Variants in RAP1GAP2 observed in about 807,000 individuals in gnomAD.
RAP1GAP2 encodes the protein RAP1 GTPase activating protein 2, also known as rap1 GTPase-activating protein 2.
In RAP1GAP2, 27 loss-of-function variants were observed where a neutral mutation model predicts 95.0. The ratio of observed to expected loss-of-function variants is 0.28; its 90% CI spans 0.21 to 0.39. The LOEUF (loss-of-function observed/expected upper bound fraction) is 0.39. Ranked by LOEUF, RAP1GAP2 falls within the 10% of genes least tolerant of loss-of-function variation. The pLI, the probability that RAP1GAP2 is intolerant of heterozygous loss-of-function variation, is 1.00. For synonymous variants in RAP1GAP2, 373 were observed against 380.9 expected (o/e 0.98, Z 0.24); for missense variants, 771 against 970.0 (o/e 0.79, Z 2.72).
At chr17:2,911,224 C>T (rs895854632) in intron 3 of RAP1GAP2, among the ~76,000 whole-genome samples, 1 of 149,742 alleles carries the variant, frequency 6.7e-6, no homozygotes, top group Admixed American at 6.6e-5. Flanking sequence ...CCTATACGCA[C>T]CCTCCCCCAC....
chr17:2,897,090 G>A lies in RAP1GAP2; in HGVS notation c.81-8194G>A, dbSNP rs538959014. The stretch of plus-strand genomic sequence containing the variant: ...GCTGGCTCACGCCTATAATCCCAGC[G>A]CTTTGGGAGGCTGAGGCGGGTAGAT... On this transcript the variant is annotated intron_variant, in intron 2 of 24. Coordinates refer to ENST00000254695, the MANE Select transcript of RAP1GAP2 (RefSeq NM_015085.5). Among the ~76,000 whole-genome samples, 61 of 152,282 alleles carry A rather than the reference G, an allele frequency of 4.0e-4. 1 individual carries two copies. In the South Asian group the frequency reaches 5.4e-3, roughly 13 times the overall value.
intron 2 of RAP1GAP2, among the ~76,000 whole-genome samples, chr17:2,901,213 C>G (rs1174600257): frequency 1.3e-5 from 2 of 152,220 alleles, no homozygotes; most frequent in Non-Finnish European, 2.9e-5. Context: ...AATCCCAGAG[C>G]AGGGAACCTC....
chr17:2,983,289 A>G (rs1260971465), intron 10 of RAP1GAP2, among the ~76,000 whole-genome samples: 1 of 152,054 alleles, frequency 6.6e-6, no homozygotes, highest in African/African-American at 2.4e-5. Context: ...AAGTTGTGCA[A>G]AGTGACCAGA....
At chr17:2,822,622 TTTTTG>T (rs1258504537) in intron 2 of RAP1GAP2, among the ~76,000 whole-genome samples, 4 of 131,010 alleles carry the variant, frequency 3.1e-5, no homozygotes, top group Non-Finnish European at 6.2e-5. Context: ...ACCCTGTTTT[TTTTTG>T]TTTTTTTTTT....
rs1240296985 is a variant in RAP1GAP2 at position 2,963,581 on chromosome 17, CCT to C, written c.279+124_279+125del. On this transcript the variant is annotated intron_variant, in intron 6 of 24. Transcript: ENST00000254695. The surrounding 1 kb of genome is among the most constrained non-coding windows in gnomAD (Gnocchi z 4.8). ...AGGGGAGAGAACCTTGGGCCTGGGA[CCT>C]CTCTTCCTGTCTTTGCCTTTGTAAC... 32 of 1,327,754 alleles carry C rather than the reference CCT, an allele frequency of 2.4e-5. No homozygotes were observed. Among genetic ancestry groups the C allele is most frequent in the Non-Finnish European group, 3.3e-5 (31 of 931,438 alleles). The allele number at this position is 1,327,754 out of a possible 1,614,324, so 82.2% of individuals were successfully genotyped here.
chr17:2,844,319 C>T (rs8065623), intron 2 of RAP1GAP2, among the ~76,000 whole-genome samples: 3,620 of 152,258 alleles, frequency 0.024, 146 homozygotes, highest in African/African-American at 0.082. Context: ...TGCGCCCGGC[C>T]GGCCAGCGCG....
rs1241616506 is a variant in RAP1GAP2, at chr17:3,005,773, C to T, written c.1273-182C>T. Among the ~76,000 whole-genome samples the T allele has an allele frequency of 6.6e-6, 1 of 152,132 alleles. No individual in the cohort carries two copies. The highest frequency in any genetic ancestry group is 2.4e-5 in the African/African-American group (1 of 41,426). On this transcript the variant is annotated intron_variant, in intron 15 of 24. Transcript: ENST00000254695. This position sits in a 1 kb window ranked among gnomAD's most constrained non-coding sequence, Gnocchi z 5.2. ...CTGTGGCTTCCCAGGACCAGGGAAGCGGGTTTCCTTGTTGGGATATTTGCA... is the reference window on the plus strand; with the variant it reads ...CTGTGGCTTCCCAGGACCAGGGAAGTGGGTTTCCTTGTTGGGATATTTGCA...
intron 1 of RAP1GAP2, among the ~76,000 whole-genome samples, chr17:2,764,712 C>G (rs2068244051): frequency 6.6e-6 from 1 of 152,116 alleles, no homozygotes; most frequent in African/African-American, 2.4e-5. Flanking sequence ...CAGAACGAGA[C>G]TCCGTCTCAA....
chr17:2,969,430 G>C (rs1409214363), intron 8 of RAP1GAP2, among the ~76,000 whole-genome samples: 1 of 119,938 alleles, frequency 8.3e-6, no homozygotes, highest in Non-Finnish European at 1.8e-5. Context: ...CCAACCATTT[G>C]AAACACACAC....
rs2047276661 is a variant in RAP1GAP2 at position 3,031,102 on chromosome 17, C to T, written c.2184+104C>T. 1.4e-5 allele frequency: 18 copies of T among 1,270,156 alleles called. No homozygotes were observed. The South Asian group carries it at 2.2e-4, about 15-fold the overall frequency. 78.7% of individuals were successfully genotyped at this position (1,270,156 alleles called of 1,614,324 possible). A position where few individuals can be genotyped will look rare whatever the true frequency, so the allele number is the denominator to read the frequency against. ...GTTCAGACATCCCAGAGGGGGCTCC[C>T]CGAAGGAGGCAGGGGAAGCTCTGGG... On this transcript the variant is annotated intron_variant, in intron 23 of 24. Transcript: ENST00000254695.
intron 1 of RAP1GAP2, among the ~76,000 whole-genome samples, chr17:2,783,907 G>A (rs2068713107): frequency 6.6e-6 from 1 of 152,196 alleles, no homozygotes; most frequent in South Asian, 2.1e-4. Context: ...CTCCCAGCAT[G>A]GTGGCTGAGC....
rs1186547229 is a variant in RAP1GAP2 at position 2,798,873 on chromosome 17, G to A, written c.45-1642G>A. 2.6e-5 allele frequency among the ~76,000 whole-genome samples: 4 copies of A among 152,318 alleles called. No homozygotes were observed. The East Asian group carries it at 5.8e-4, about 22-fold the overall frequency. ...TGACCACGGTGCCTGTAGGTGGTGC[G>A]GTGGGCGGGGCTGACCCGACAGCGG... On this transcript the variant is annotated intron_variant, in intron 1 of 24. Transcript: ENST00000254695.
chr17:2,848,626 T>G (rs4790370), intron 2 of RAP1GAP2, among the ~76,000 whole-genome samples: 77,951 of 151,442 alleles, frequency 0.51, 20,138 homozygotes, highest in Admixed American at 0.58. Context: ...CAATTCTCCT[T>G]CCTCAGCCTC....
intron 3 of RAP1GAP2, among the ~76,000 whole-genome samples, chr17:2,934,275 G>T (rs1173021359): frequency 6.6e-6 from 1 of 152,214 alleles, no homozygotes; most frequent in Non-Finnish European, 1.5e-5. Context: ...GGGACTATAG[G>T]CATGGGCCAC....
Position 2,820,892 on chromosome 17 carries a change from G to GTTTTTTTTTTTTTTT in RAP1GAP2, c.80+20345_80+20359dup, listed in dbSNP as rs59814346. ...GCCCGCCACCACGGCCCGGATAATG[G>GTTTTTTTTTTTTTTT]TTTTTTTTTTTTTTTTTGTATTTTT... On this transcript the variant is annotated intron_variant, in intron 2 of 24. Transcript: ENST00000254695. 3.0e-4 allele frequency among the ~76,000 whole-genome samples: 31 copies of GTTTTTTTTTTTTTTT among 104,046 alleles called. 3 individuals are homozygous for GTTTTTTTTTTTTTTT. The highest frequency in any genetic ancestry group is 2.1e-3 in the South Asian group (6 of 2,800). The allele number at this position is 104,046 out of a possible 152,430, so 68.3% of individuals were successfully genotyped here.
chr17:3,020,742 CCT>C, intron 19 of RAP1GAP2, 147 bp downstream of exon 19: 1 of 679,770 alleles, frequency 1.5e-6, no homozygotes, highest in East Asian at 2.8e-5. Context: ...CTGTGTGTCC[CCT>C]GTCACTCACT....
chr17:2,965,966 A>AC lies in RAP1GAP2; in HGVS notation c.596+324dup. On this transcript the variant is annotated intron_variant, in intron 8 of 24. Transcript: ENST00000254695. The surrounding 1 kb of genome is among the most constrained non-coding windows in gnomAD (Gnocchi z 4.7). ...AGAAAAGTAGGGATGGTTCAGTGTG[A>AC]CTCATCCTGCTGAGACACAGCTCCG... 1 of 315,194 alleles carries AC rather than the reference A, an allele frequency of 3.2e-6. No homozygotes were observed. Among genetic ancestry groups the AC allele is most frequent in the Non-Finnish European group, 6.0e-6 (1 of 166,734 alleles). 19.5% of individuals were successfully genotyped at this position (315,194 alleles called of 1,614,324 possible). A position where few individuals can be genotyped will look rare whatever the true frequency, so the allele number is the denominator to read the frequency against.
chr17:2,997,548 AT>A (rs1178414298), intron 13 of RAP1GAP2, among the ~76,000 whole-genome samples: 3 of 152,088 alleles, frequency 2.0e-5, no homozygotes, highest in Non-Finnish European at 4.4e-5. Context: ...AGGGATCTGC[AT>A]GCTGTAGAGG....
chr17:2,808,078 T>G (rs1400387529), intron 2 of RAP1GAP2, among the ~76,000 whole-genome samples: 1 of 152,158 alleles, frequency 6.6e-6, no homozygotes, highest in African/African-American at 2.4e-5. Flanking sequence ...CAGGAACCTC[T>G]CTTGCTTTGC....
Sources: gnomAD v4.1 joint callset for allele counts (sites outside exome capture counted in the v4.1 genomes callset) on GRCh38, gnomAD v4.1.1 for gene constraint, Gnocchi (gnomAD v3.1) non-coding constraint, MANE v1.5 for transcripts, NCBI Gene and HGNC (gene_info 2026-07-23, HGNC 2026-07-21) for gene names.